The following MED10 variants were observed in gnomAD, a reference collection of about 807,000 sequenced individuals.
The protein encoded by MED10 is mediator of RNA polymerase II transcription subunit 10.
Under a neutral mutation model 17.2 loss-of-function variants are expected in MED10, and 9 were observed. The observed-to-expected ratio is 0.52, with a 90% CI of 0.31 to 0.91. MED10 has a LOEUF of 0.91. Among genes scored for constraint, MED10 ranks in the 40% least tolerant of loss-of-function variants. The pLI is 0.04. For missense variants in MED10, 129 were observed against 164.8 expected (o/e 0.78, Z 1.19); for synonymous variants, 66 against 59.8 (o/e 1.10, Z -0.48).
intron 2 of MED10, among the ~76,000 whole-genome samples, chr5:6,376,510 G>A (rs1192587965): frequency 6.6e-6 from 1 of 152,190 alleles, no homozygotes; most frequent in African/African-American, 2.4e-5. Flanking sequence ...AATCAGAGAT[G>A]TGACCAAATC....
rs1371007716 is a variant in MED10 at position 6,372,347 on chromosome 5, T to G, written c.*156A>C. 1.6e-6 allele frequency: 1 copy of G among 622,308 alleles called. No homozygotes were observed. The highest frequency in any genetic ancestry group is 2.9e-6 in the Non-Finnish European group (1 of 350,832). 38.5% of individuals were successfully genotyped at this position (622,308 alleles called of 1,614,324 possible). A position where few individuals can be genotyped will look rare whatever the true frequency, so the allele number is the denominator to read the frequency against. ...ACAGCTCCGCCTCTCCTCCAGCCCC[T>G]CGGTCCCATGAGGCCAAACAATGAG... On this transcript the variant is annotated 3_prime_UTR_variant, in exon 4 of 4. Transcript: ENST00000255764.
chr5:6,377,113 A>T, intron 2 of MED10, 53 bp downstream of exon 2: 1 of 1,290,216 alleles, frequency 7.8e-7, no homozygotes, highest in Non-Finnish European at 1.1e-6. Context: ...ACGATACCAC[A>T]CCATAACTGA....
In MED10 at chr5:6,378,499, C is replaced by G. The variant is rs752768805; in HGVS notation, c.-16G>C. On this transcript the variant is annotated 5_prime_UTR_variant, in exon 1 of 4. Coordinates refer to ENST00000255764, the MANE Select transcript of MED10 (RefSeq NM_032286.3). Reference sequence around the variant, plus strand: ...TCTCCGCCATCGCCTCGGCCCGTCCCCGACCCACACAGCCTCAACCAGCAG... The same window carrying G: ...TCTCCGCCATCGCCTCGGCCCGTCCGCGACCCACACAGCCTCAACCAGCAG... The G allele has an allele frequency of 6.2e-7, 1 of 1,608,966 alleles. No homozygotes were observed. Among genetic ancestry groups the G allele is most frequent in the South Asian group, 1.1e-5 (1 of 90,578 alleles).
intron 3 of MED10, among the ~76,000 whole-genome samples, chr5:6,373,739 C>T (rs1179679686): frequency 6.6e-6 from 1 of 152,164 alleles, no homozygotes; most frequent in Non-Finnish European, 1.5e-5. Context: ...AAATGAGTGG[C>T]CGTTAAGTCC....
intron 1 of MED10, among the ~76,000 whole-genome samples, chr5:6,377,986 C>T (rs1738035550): frequency 6.6e-6 from 1 of 152,218 alleles, no homozygotes; most frequent in Non-Finnish European, 1.5e-5. Flanking sequence ...GCCTGCCTCC[C>T]CTCTGGAGAC....
rs1249837022 is a variant in MED10 at position 6,372,465 on chromosome 5, C to T, written c.*38G>A. On this transcript the variant is annotated 3_prime_UTR_variant, in exon 4 of 4. Coordinates refer to ENST00000255764, the MANE Select transcript of MED10 (RefSeq NM_032286.3). ...GCAGTCCCAGCCTCACGCCGCATCG[C>T]AGTCCCAGGGGATCTTCACACAGGG... is the stretch of plus-strand genomic sequence containing the variant. The T allele has an allele frequency of 2.5e-6, 4 of 1,573,282 alleles. No homozygotes were observed. The South Asian group carries it at 4.4e-5, about 17-fold the overall frequency.
At position 6,372,180 on chromosome 5, in the gene MED10, T is replaced by G. The variant is rs1424900611; in HGVS notation, c.*323A>C. 1 of 253,470 alleles carries G rather than the reference T, an allele frequency of 3.9e-6. No homozygotes were observed. The highest frequency in any genetic ancestry group is 7.6e-5 in the East Asian group (1 of 13,082). 15.7% of individuals were successfully genotyped at this position (253,470 alleles called of 1,614,324 possible). ...ATTAGGTAGAATGTTGTAAAACTTT[T>G]AATTTACCCATCATATTTAACATTT... On this transcript the variant is annotated 3_prime_UTR_variant, in exon 4 of 4. Coordinates refer to ENST00000255764, the MANE Select transcript of MED10 (RefSeq NM_032286.3).
At chr5:6,373,626 G>A (rs1004064045) in intron 3 of MED10, among the ~76,000 whole-genome samples, 23 of 151,994 alleles carry the variant, frequency 1.5e-4, no homozygotes, top group Admixed American at 2.6e-4. Flanking sequence ...AAACCAGGCC[G>A]GCGTGGATGG....
At chr5:6,377,064 C>G in intron 2 of MED10, 102 bp downstream of exon 2, 1 of 682,632 alleles carries the variant, frequency 1.5e-6, no homozygotes. Flanking sequence ...GCTGTGCCTA[C>G]CACACAGCAG....
chr5:6,373,824 G>A (rs1737939206), intron 3 of MED10, among the ~76,000 whole-genome samples: 1 of 152,238 alleles, frequency 6.6e-6, no homozygotes, highest in African/African-American at 2.4e-5. Context: ...TCATGTTCAA[G>A]TGCAGAGAGT....
In MED10 at chr5:6,377,240, A is replaced by G. The variant is rs770847228; in HGVS notation, c.132T>C (p.Ile44=). Residue 44 remains isoleucine, a synonymous_variant, in exon 2 of 4, where the codon ATT becomes ATC. Transcript: ENST00000255764. ...QAGLNQKLNF[I]VTGLQDIDKC... is the part of the protein sequence containing the mutation. ...TGTCAATATCCTGTAAGCCAGTAAC[A>G]ATAAAATTCCTGGGGGAAAGGCAAA... 1 of 1,609,406 alleles carries G rather than the reference A, an allele frequency of 6.2e-7. No individual in the cohort carries two copies. The highest frequency in any genetic ancestry group is 8.5e-7 in the Non-Finnish European group (1 of 1,178,330).
intron 2 of MED10, among the ~76,000 whole-genome samples, chr5:6,375,467 T>G (rs1421708755): frequency 6.6e-6 from 1 of 152,226 alleles, no homozygotes; most frequent in Non-Finnish European, 1.5e-5. Flanking sequence ...TTCATTTCAG[T>G]GTTTTTGAAA....
At chr5:6,376,629 A>G (rs1415139106) in intron 2 of MED10, among the ~76,000 whole-genome samples, 2 of 152,244 alleles carry the variant, frequency 1.3e-5, no homozygotes, top group African/African-American at 4.8e-5. Context: ...AACAGTGAGC[A>G]GCCTCCCCAA....
chr5:6,373,384 C>G (rs1737926270), intron 3 of MED10, among the ~76,000 whole-genome samples: 1 of 152,148 alleles, frequency 6.6e-6, no homozygotes, highest in Non-Finnish European at 1.5e-5. Flanking sequence ...AAGCAGCCGG[C>G]AGAGGAGACA....
chr5:6,374,182 A>G (rs1416262435), intron 3 of MED10, 142 bp downstream of exon 3: 1 of 627,486 alleles, frequency 1.6e-6, no homozygotes, highest in Non-Finnish European at 2.9e-6. Context: ...CTTACTGCCT[A>G]TTACACAATT....
chr5:6,378,421 C>T lies in MED10; in HGVS notation c.63G>A (p.Gln21=). 6.2e-7 allele frequency: 1 copy of T among 1,613,780 alleles called. No homozygotes were observed. Among genetic ancestry groups the T allele is most frequent in the Non-Finnish European group, 8.5e-7 (1 of 1,179,922 alleles). ...HLEKFVENIR[Q]LGIIVSDFQP... is the part of the protein sequence containing the mutation. ...GGAAGTCACTGACGATGATGCCGAG[C>T]TGCCGAATGTTCTCCACGAACTTCT... Residue 21 remains glutamine, a synonymous_variant, in exon 1 of 4, where the codon CAG becomes CAA. Transcript: ENST00000255764.
chr5:6,372,670 T>C, intron 3 of MED10, 69 bp from the exon 4 acceptor site: 1 of 1,327,164 alleles, frequency 7.5e-7, no homozygotes, highest in Non-Finnish European at 1.1e-6. Flanking sequence ...AAAATATGCC[T>C]TTTGGAAGTT....
intron 2 of MED10, among the ~76,000 whole-genome samples, chr5:6,376,039 CT>C (rs1252511667): frequency 2.0e-5 from 3 of 152,194 alleles, no homozygotes; most frequent in African/African-American, 7.2e-5. Flanking sequence ...CTCTGTATTC[CT>C]GGACTGAGAA....
intron 3 of MED10, among the ~76,000 whole-genome samples, chr5:6,373,147 G>T (rs1356297987): frequency 3.9e-5 from 6 of 152,108 alleles, no homozygotes; most frequent in African/African-American, 9.7e-5. Flanking sequence ...CACCAGGAGG[G>T]GATCACCTGA....
Sources: gnomAD v4.1 joint callset for allele counts (sites outside exome capture counted in the v4.1 genomes callset) on GRCh38, gnomAD v4.1.1 for gene constraint, MANE v1.5 for transcripts, NCBI Gene and HGNC (gene_info 2026-07-23, HGNC 2026-07-21) for gene names.